The following DZANK1 variants were observed in gnomAD, a reference collection of about 807,000 sequenced individuals.
DZANK1 encodes double zinc ribbon and ankyrin repeat domains 1.
In DZANK1, 91 loss-of-function variants were observed where a neutral mutation model predicts 94.5. That is an observed-to-expected ratio of 0.96 (90% CI 0.81 to 1.15). The LOEUF (loss-of-function observed/expected upper bound fraction) is 1.15, where lower values mean the gene tolerates loss of function less well. Ranked by LOEUF, DZANK1 falls within the 50% of genes most tolerant of loss-of-function variation. The pLI is 0.00. For missense variants in DZANK1, 903 were observed against 916.4 expected (o/e 0.99, Z 0.19); for synonymous variants, 312 against 325.3 (o/e 0.96, Z 0.44).
rs561224057 is a variant in DZANK1 at position 18,437,612 on chromosome 20, AAAAG to A, written c.748-3851_748-3848del. On this transcript the variant is annotated intron_variant, in intron 8 of 20. Coordinates refer to ENST00000262547, the Ensembl canonical transcript of DZANK1. ...AAAAGAAAAAAAAGAAAAGAAAAGA[AAAAG>A]AAAGAGGAAAGGAGTGAAATTTCTA... Among the ~76,000 whole-genome samples, 719 of 152,172 alleles carry A rather than the reference AAAAG, an allele frequency of 4.7e-3. 9 individuals are homozygous for A. The highest frequency in any genetic ancestry group is 6.3e-3 in the Non-Finnish European group (426 of 67,996).
intron 19 of DZANK1, among the ~76,000 whole-genome samples, chr20:18,388,456 G>C (rs2048646276): frequency 6.6e-6 from 1 of 152,180 alleles, no homozygotes; most frequent in Non-Finnish European, 1.5e-5. Context: ...TCTTCATAAA[G>C]CCAGGACTCA....
At position 18,389,728 on chromosome 20, in the gene DZANK1, CCT is replaced by C. The variant is rs1360438628; in HGVS notation, c.1989_1990del (p.Gly664SerfsTer17). The C allele has an allele frequency of 6.2e-7, 1 of 1,613,942 alleles. No individual in the cohort carries two copies. On this transcript the variant is annotated frameshift_variant, in exon 19 of 21. Transcript: ENST00000262547. LOFTEE classifies it high-confidence loss of function. ...CCCCCACTGCTGGTCGATGTCTGCT[CCT>C]CTCTGCACGAGAACTGGAATCGCTT...
At chr20:18,384,536 C>T (rs924542516) in exon 21 of DZANK1, 1 of 1,607,954 alleles carries the variant, frequency 6.2e-7, no homozygotes, top group Non-Finnish European at 8.5e-7. Flanking sequence ...TGGCCTCCTG[C>T]ATTCTTCTTT....
chr20:18,435,694 T>C (rs189859969), intron 8 of DZANK1, among the ~76,000 whole-genome samples: 2 of 151,684 alleles, frequency 1.3e-5, no homozygotes, highest in Non-Finnish European at 2.9e-5. Flanking sequence ...CAAACCACCA[T>C]GGCACATGTA....
chr20:18,417,045 A>AAG (rs1373348279), intron 10 of DZANK1, among the ~76,000 whole-genome samples: 1 of 151,514 alleles, frequency 6.6e-6, no homozygotes, highest in African/African-American at 2.4e-5. Flanking sequence ...AAAAAAAAAA[A>AAG]AGAAGAGAAA....
rs562991430 is a variant in DZANK1 at position 18,393,295 on chromosome 20, C to CT, written c.1809+415dup. On this transcript the variant is annotated intron_variant, in intron 17 of 20. Transcript: ENST00000262547. ...TTCTCCTGCTCCCTGCCCACACTCC[C>CT]TCCAGGGACGTCTGTCCACGACATG... Among the ~76,000 whole-genome samples, 130 of 152,300 alleles carry CT rather than the reference C, an allele frequency of 8.5e-4. 2 individuals carry two copies. In the South Asian group the frequency reaches 0.026, roughly 31 times the overall value.
intron 8 of DZANK1, among the ~76,000 whole-genome samples, chr20:18,442,077 C>T (rs1272491467): frequency 6.6e-6 from 1 of 152,188 alleles, no homozygotes; most frequent in Non-Finnish European, 1.5e-5. Context: ...CACAGTAGTA[C>T]TCAATAAATG....
intron 18 of DZANK1, among the ~76,000 whole-genome samples, chr20:18,390,174 C>T (rs1182449946): frequency 3.5e-4 from 53 of 152,248 alleles, no homozygotes; most frequent in Admixed American, 3.5e-3. Context: ...ATCTGTGCTT[C>T]TCTGCCTATT....
chr20:18,428,313 C>T (rs1027599639), intron 9 of DZANK1, among the ~76,000 whole-genome samples: 1 of 151,598 alleles, frequency 6.6e-6, no homozygotes, highest in Admixed American at 6.6e-5. Flanking sequence ...CTCAGCCTCC[C>T]GAGTAGCTGG....
intron 14 of DZANK1, among the ~76,000 whole-genome samples, chr20:18,397,593 T>A (rs999833349): frequency 2.0e-5 from 3 of 152,090 alleles, no homozygotes; most frequent in Admixed American, 6.6e-5. Context: ...ACCCCAAACT[T>A]AGTGAAATTA....
chr20:18,406,504 T>C (rs8123443), intron 13 of DZANK1, among the ~76,000 whole-genome samples: 55,992 of 152,080 alleles, frequency 0.37, 11,178 homozygotes, highest in Middle Eastern at 0.46. Context: ...GGATTGATCG[T>C]CTGCTGACTA....
intron 3 of DZANK1, 51 bp from the exon 4 acceptor site, chr20:18,455,412 T>C: frequency 4.6e-6 from 6 of 1,302,756 alleles, no homozygotes; most frequent in Non-Finnish European, 6.4e-6. Context: ...CAAAGATTTT[T>C]TAAAAAGTGG....
At chr20:18,385,158 T>C (rs2148106439) in intron 19 of DZANK1, 68 bp from the exon 20 acceptor site, 5 of 1,480,382 alleles carry the variant, frequency 3.4e-6, no homozygotes, top group South Asian at 1.2e-5. Flanking sequence ...AGAGGATGCA[T>C]GTGACCCAAG....
chr20:18,412,537 T>G, intron 13 of DZANK1, 109 bp downstream of exon 13: 1 of 1,135,458 alleles, frequency 8.8e-7, no homozygotes, highest in Non-Finnish European at 1.3e-6. Flanking sequence ...AGAAAGAAAC[T>G]TACTTCTTAC....
intron 19 of DZANK1, among the ~76,000 whole-genome samples, chr20:18,386,557 A>G (rs1305167435): frequency 6.6e-6 from 1 of 152,230 alleles, no homozygotes. Context: ...AATAACGATT[A>G]TTCAATAGGA....
At chr20:18,459,142 G>A (rs976283449) in intron 3 of DZANK1, among the ~76,000 whole-genome samples, 1 of 152,142 alleles carries the variant, frequency 6.6e-6, no homozygotes, top group Non-Finnish European at 1.5e-5. Flanking sequence ...TACAGCATTT[G>A]GCCACCAGAG....
rs2059618257 is a variant in DZANK1 at position 18,465,520 on chromosome 20, T to C, written c.-19-143A>G. 8.8e-6 allele frequency: 3 copies of C among 341,880 alleles called. No homozygotes were observed. The South Asian group carries it at 3.3e-4, about 38-fold the overall frequency. The allele number at this position is 341,880 out of a possible 1,614,324, so 21.2% of individuals were successfully genotyped here. On this transcript the variant is annotated intron_variant, in intron 1 of 20. Transcript: ENST00000262547. Reference sequence around the variant, plus strand: ...ATTATTCCCTTTTTAATTGAAATAATAATTACATTTCATCTGTATTTGCTG... The same window carrying C: ...ATTATTCCCTTTTTAATTGAAATAACAATTACATTTCATCTGTATTTGCTG...
At chr20:18,388,449 T>C (rs2148142737) in intron 19 of DZANK1, among the ~76,000 whole-genome samples, 1 of 152,360 alleles carries the variant, frequency 6.6e-6, no homozygotes, top group South Asian at 2.1e-4. Context: ...GCTGGACTCT[T>C]CATAAAGCCA....
intron 10 of DZANK1, among the ~76,000 whole-genome samples, chr20:18,424,887 GCAA>G (rs2057966725): frequency 6.6e-6 from 1 of 152,078 alleles, no homozygotes; most frequent in African/African-American, 2.4e-5. Flanking sequence ...ATCAATACAT[GCAA>G]CAACATGAAC....
Sources: gnomAD v4.1 joint callset for allele counts (sites outside exome capture counted in the v4.1 genomes callset) on GRCh38, gnomAD v4.1.1 for gene constraint, MANE v1.5 for transcripts, NCBI Gene and HGNC (gene_info 2026-07-23, HGNC 2026-07-21) for gene names.